The following EPHA5 variants were observed in gnomAD, a reference collection of about 807,000 sequenced individuals.
EPHA5 encodes EPH receptor A5.
Under a neutral mutation model 105.0 loss-of-function variants are expected in EPHA5, and 60 were observed. That is an observed-to-expected ratio of 0.57 (90% CI 0.46 to 0.71). The LOEUF (loss-of-function observed/expected upper bound fraction) is 0.71. Among genes scored for constraint, EPHA5 ranks in the 30% least tolerant of loss-of-function variants. The pLI is 0.00. For synonymous variants in EPHA5, 513 were observed against 449.1 expected, an observed-to-expected ratio of 1.14 and a Z score of -1.80; for missense variants, 1,218 against 1,274.7, an observed-to-expected ratio of 0.96 and a Z score of 0.68.
intron 3 of EPHA5, among the ~76,000 whole-genome samples, chr4:65,534,972 T>C (rs926353194): frequency 2.6e-5 from 4 of 152,190 alleles, no homozygotes; most frequent in Non-Finnish European, 4.4e-5. Flanking sequence ...TTATCATATT[T>C]CTTATGAGAT....
chr4:65,503,538 T>C (rs977570477), intron 3 of EPHA5, among the ~76,000 whole-genome samples: 5 of 151,730 alleles, frequency 3.3e-5, no homozygotes, highest in African/African-American at 9.7e-5. Flanking sequence ...AGGAATACTA[T>C]TGAAAAATCA....
chr4:65,332,567 T>C (rs1201904123), intron 15 of EPHA5, among the ~76,000 whole-genome samples: 7 of 139,996 alleles, frequency 5.0e-5, no homozygotes, highest in Non-Finnish European at 9.1e-5. Flanking sequence ...TACAGGTTCA[T>C]CAACGGTAAT....
Position 65,604,871 on chromosome 4 carries a change from A to C in EPHA5, c.247-2567T>G, listed in dbSNP as rs907074778. ...TAATAAAAGGCACAGATAGGAATCA[A>C]TATTTTCTGTTCATTTTTGTTGGAT... On this transcript the variant is annotated intron_variant, in intron 2 of 16. Coordinates refer to ENST00000613740, the MANE Select transcript of EPHA5 (RefSeq NM_001281766.3). Among the ~76,000 whole-genome samples the C allele has an allele frequency of 4.6e-5, 7 of 152,234 alleles. 1 individual carries two copies. Among genetic ancestry groups the C allele is most frequent in the African/African-American group, 1.7e-4 (7 of 41,462 alleles).
chr4:65,480,178 C>T (rs1730217931), intron 5 of EPHA5, among the ~76,000 whole-genome samples: 1 of 152,080 alleles, frequency 6.6e-6, no homozygotes, highest in Non-Finnish European at 1.5e-5. Flanking sequence ...CAAACTTCAA[C>T]TAATTGTAAA....
chr4:65,665,342 A>G (rs138210331), intron 1 of EPHA5, among the ~76,000 whole-genome samples: 1 of 152,178 alleles, frequency 6.6e-6, no homozygotes, highest in East Asian at 1.9e-4. Flanking sequence ...GGAAATAACT[A>G]AAGCATAGTT....
At chr4:65,396,515 C>T (rs1011166154) in intron 8 of EPHA5, among the ~76,000 whole-genome samples, 1 of 152,090 alleles carries the variant, frequency 6.6e-6, no homozygotes, top group Non-Finnish European at 1.5e-5. Context: ...AGGGGATGAG[C>T]CTTATCCCGT....
chr4:65,572,665 C>T (rs1010744312), intron 3 of EPHA5, among the ~76,000 whole-genome samples: 1 of 152,136 alleles, frequency 6.6e-6, no homozygotes, highest in Admixed American at 6.5e-5. Context: ...TGACAAGTAT[C>T]TGTGTATAGA....
intron 3 of EPHA5, among the ~76,000 whole-genome samples, chr4:65,575,094 A>G (rs1397384943): frequency 6.6e-6 from 1 of 152,016 alleles, no homozygotes; most frequent in African/African-American, 2.4e-5. Flanking sequence ...GGGAAACAAT[A>G]TAAACAGCTG....
chr4:65,367,475 C>A (rs2148896860), intron 8 of EPHA5, 51 bp from the exon 9 acceptor site: 1 of 1,530,564 alleles, frequency 6.5e-7, no homozygotes, highest in South Asian at 1.1e-5. Context: ...GTGAATCAGT[C>A]ACATCAAGCC....
chr4:65,404,609 T>A, intron 7 of EPHA5, 130 bp from the exon 8 acceptor site: 1 of 667,590 alleles, frequency 1.5e-6, no homozygotes. Context: ...AAATTTCCCC[T>A]AATATCCTTT....
At chr4:65,340,335 G>C (rs962870667) in intron 14 of EPHA5, among the ~76,000 whole-genome samples, 2 of 152,014 alleles carry the variant, frequency 1.3e-5, no homozygotes, top group African/African-American at 4.8e-5. Flanking sequence ...AGTGACTCTT[G>C]CCAGAAAACA....
At chr4:65,334,158 C>G (rs1385767194) in intron 15 of EPHA5, among the ~76,000 whole-genome samples, 1 of 151,916 alleles carries the variant, frequency 6.6e-6, no homozygotes, top group Non-Finnish European at 1.5e-5. Flanking sequence ...TGTTCAGTGT[C>G]TCTCTCCCAA....
chr4:65,396,476 G>A (rs556339455), intron 8 of EPHA5, among the ~76,000 whole-genome samples: 2 of 152,276 alleles, frequency 1.3e-5, no homozygotes, highest in South Asian at 2.1e-4. Context: ...TTTTCGGTAC[G>A]ACCTTTGTAT....
chr4:65,338,559 A>G (rs1429440379), intron 14 of EPHA5, among the ~76,000 whole-genome samples: 1 of 151,992 alleles, frequency 6.6e-6, no homozygotes, highest in East Asian at 1.9e-4. Flanking sequence ...ACCTGTGAAG[A>G]TATTTCTAGA....
intron 8 of EPHA5, among the ~76,000 whole-genome samples, chr4:65,381,695 A>T: frequency 6.6e-6 from 1 of 151,818 alleles, no homozygotes; most frequent in East Asian, 1.9e-4. Flanking sequence ...CCAAATTTGT[A>T]TGTTGAAGTC....
At chr4:65,404,696 A>T (rs1052303897) in intron 7 of EPHA5, among the ~76,000 whole-genome samples, 2 of 152,210 alleles carry the variant, frequency 1.3e-5, no homozygotes, top group Non-Finnish European at 1.5e-5. Flanking sequence ...GAGCATCACT[A>T]AGTCACTGAT....
rs1578546881 is a variant in EPHA5, at chr4:65,601,847, G to A, written c.704C>T (p.Ser235Phe). 4 of 1,614,142 alleles carry A rather than the reference G, an allele frequency of 2.5e-6. No individual in the cohort carries two copies. Among genetic ancestry groups the A allele is most frequent in the South Asian group, 1.1e-5 (1 of 91,084 alleles). Residue 235 changes from serine (S) to phenylalanine (F), a missense_variant, in exon 3 of 17, where the codon TCT becomes TTT. This residue lies in a region of EPHA5 where 971 missense variants were observed against 1,013.5 expected (regional missense o/e 0.96). Coordinates refer to ENST00000613740, the MANE Select transcript of EPHA5 (RefSeq NM_001281766.3). Reference sequence around the variant, plus strand: ...GAAGACAGCCAAGTGTCGTACCACAGAAGGGCATTTTTTATAGTATACACG... The same window carrying A: ...GAAGACAGCCAAGTGTCGTACCACAAAAGGGCATTTTTTATAGTATACACG... ...SVRVYYKKCP[S>F]VVRHLAVFPD...
intron 6 of EPHA5, among the ~76,000 whole-genome samples, chr4:65,418,281 T>A (rs1225039175): frequency 1.3e-5 from 2 of 152,290 alleles, no homozygotes; most frequent in East Asian, 3.9e-4. Flanking sequence ...AAAACTTGAA[T>A]AAGAAATATA....
intron 8 of EPHA5, among the ~76,000 whole-genome samples, chr4:65,392,020 A>G (rs1156452005): frequency 6.6e-6 from 1 of 152,118 alleles, no homozygotes; most frequent in Non-Finnish European, 1.5e-5. Context: ...TGGATGTTCA[A>G]TAGTGTTGAG....
Sources: gnomAD v4.1 joint callset for allele counts (sites outside exome capture counted in the v4.1 genomes callset) on GRCh38, gnomAD v4.1.1 for gene constraint, gnomAD v4.1.1 regional missense constraint, MANE v1.5 for transcripts, NCBI Gene and HGNC (gene_info 2026-07-23, HGNC 2026-07-21) for gene names.